The following WDPCP variants were observed in gnomAD, a reference collection of about 807,000 sequenced individuals.
The protein encoded by WDPCP is WD repeat containing planar cell polarity effector, also known as WD repeat-containing and planar cell polarity effector protein fritz homolog.
WDPCP carries 71 observed loss-of-function variants against 93.1 expected under a neutral mutation model. The observed-to-expected ratio is 0.76, with a 90% CI of 0.63 to 0.93. The LOEUF (loss-of-function observed/expected upper bound fraction) is 0.93. WDPCP is among the 40% of genes least tolerant of loss of function. The pLI is 0.00. For missense variants in WDPCP, 844 were observed against 887.4 expected, an observed-to-expected ratio of 0.95 and a Z score of 0.62; for synonymous variants, 315 against 315.0, an observed-to-expected ratio of 1.00 and a Z score of 0.00.
At chr2:63,473,597 A>G (rs546310658) in intron 6 of WDPCP, among the ~76,000 whole-genome samples, 12 of 152,316 alleles carry the variant, frequency 7.9e-5, no homozygotes, top group Admixed American at 5.9e-4. Flanking sequence ...TATTTCAGGA[A>G]AGCCTGTGGT....
At chr2:63,810,657 G>C (rs927402604) in intron 2 of WDPCP, among the ~76,000 whole-genome samples, 1 of 152,124 alleles carries the variant, frequency 6.6e-6, no homozygotes, top group Admixed American at 6.6e-5. Flanking sequence ...AATCAGGGAA[G>C]GTCTCACATG....
At chr2:63,801,520 T>G (rs927808655) in intron 2 of WDPCP, among the ~76,000 whole-genome samples, 4 of 152,140 alleles carry the variant, frequency 2.6e-5, no homozygotes, top group African/African-American at 9.7e-5. Context: ...TTGGCTGGGG[T>G]GGCCAGCTTC....
chr2:63,589,195 C>T (rs1709094681), upstream of WDPCP: 17 of 1,595,790 alleles, frequency 1.1e-5, no homozygotes, highest in South Asian at 1.6e-4. Flanking sequence ...CTGGGGATTG[C>T]CGCAGTGACC....
At chr2:63,141,573 T>C (rs1338860396) in intron 17 of WDPCP, among the ~76,000 whole-genome samples, 6 of 152,302 alleles carry the variant, frequency 3.9e-5, no homozygotes. Context: ...TATCGGTCTA[T>C]AGTTTTCTTT....
intron 17 of WDPCP, among the ~76,000 whole-genome samples, chr2:63,129,025 A>G (rs1057250838): frequency 2.6e-5 from 4 of 152,204 alleles, no homozygotes; most frequent in African/African-American, 9.6e-5. Context: ...AAGTGGAGTA[A>G]TGCAATATTT....
intron 2 of WDPCP, among the ~76,000 whole-genome samples, chr2:63,738,153 C>T (rs985716269): frequency 2.0e-5 from 3 of 152,014 alleles, no homozygotes; most frequent in African/African-American, 7.3e-5. Context: ...CTCACCAGTC[C>T]CCATTGCATT....
chr2:63,241,229 G>T (rs760912234), intron 14 of WDPCP, among the ~76,000 whole-genome samples: 1 of 152,100 alleles, frequency 6.6e-6, no homozygotes, highest in Non-Finnish European at 1.5e-5. Context: ...TCTTTGATGT[G>T]CTCATAATTA....
Position 63,586,223 on chromosome 2 carries a change from T to G in WDPCP, c.75+1974A>C, listed in dbSNP as rs17618239. 6.8e-3 allele frequency among the ~76,000 whole-genome samples: 1,041 copies of G among 152,350 alleles called. 10 individuals are homozygous for G. Among genetic ancestry groups the G allele is most frequent in the Non-Finnish European group, 0.012 (788 of 68,028 alleles). ...AGAGCCAACATTCTATTTCAGAGAT[T>G]TGAAACTTAATGATCCTTTAATATC... On this transcript the variant is annotated intron_variant, in intron 1 of 17. Coordinates refer to ENST00000272321, the MANE Select transcript of WDPCP (RefSeq NM_015910.7).
At chr2:63,417,016 T>G (rs116032228) in intron 9 of WDPCP, among the ~76,000 whole-genome samples, 4,172 of 152,272 alleles carry the variant, frequency 0.027, 84 homozygotes, top group South Asian at 0.067. Context: ...TGAAGTTTTC[T>G]CATCTCTAAA....
At chr2:63,505,968 C>T (rs911965689) in intron 1 of WDPCP, among the ~76,000 whole-genome samples, 2 of 151,928 alleles carry the variant, frequency 1.3e-5, no homozygotes, top group African/African-American at 4.8e-5. Context: ...GAACCATGTC[C>T]AGGAATTTAG....
upstream of WDPCP, chr2:63,588,962 C>T (rs1373993626): frequency 9.4e-6 from 15 of 1,601,288 alleles, no homozygotes; most frequent in Non-Finnish European, 1.3e-5. Flanking sequence ...TCGCCCTCTC[C>T]GAGTCAGTTC....
chr2:63,402,976 C>T (rs979591788), intron 10 of WDPCP, among the ~76,000 whole-genome samples: 1 of 152,120 alleles, frequency 6.6e-6, no homozygotes, highest in Admixed American at 6.5e-5. Flanking sequence ...GATACATGCA[C>T]ACAAATGTTT....
intron 13 of WDPCP, among the ~76,000 whole-genome samples, chr2:63,306,956 CTGTT>C (rs1280701050): frequency 6.6e-6 from 1 of 152,184 alleles, no homozygotes; most frequent in Admixed American, 6.5e-5. Context: ...TAAATTGTCT[CTGTT>C]TGCAGATGAC....
At chr2:63,299,214 A>G (rs1450979248) in intron 13 of WDPCP, among the ~76,000 whole-genome samples, 3 of 152,254 alleles carry the variant, frequency 2.0e-5, no homozygotes, top group Admixed American at 2.0e-4. Flanking sequence ...CTGTCAGTGC[A>G]TAGGACTACT....
At chr2:63,404,745 A>G in intron 9 of WDPCP, 88 bp from the exon 10 acceptor site, 4 of 1,516,322 alleles carry the variant, frequency 2.6e-6, no homozygotes, top group Non-Finnish European at 3.6e-6. Flanking sequence ...TCAGAAACCT[A>G]TTAAAGAAAA....
chr2:63,147,723 C>A (rs1671615001), intron 17 of WDPCP, among the ~76,000 whole-genome samples: 1 of 152,112 alleles, frequency 6.6e-6, no homozygotes, highest in African/African-American at 2.4e-5. Flanking sequence ...AATCCCAGCA[C>A]TTTGGGGGGC....
intron 1 of WDPCP, among the ~76,000 whole-genome samples, chr2:63,821,625 A>G (rs1671020072): frequency 6.6e-6 from 1 of 152,184 alleles, no homozygotes; most frequent in Non-Finnish European, 1.5e-5. Flanking sequence ...CAGTACAGAG[A>G]GTGGACCATG....
chr2:63,753,385 C>T (rs982059535), intron 2 of WDPCP, among the ~76,000 whole-genome samples: 11 of 152,072 alleles, frequency 7.2e-5, no homozygotes, highest in Non-Finnish European at 1.5e-4. Context: ...GCCAAGATTG[C>T]GCCATTGCAC....
At chr2:63,293,649 GAATGAACAA>G (rs2105032808) in intron 13 of WDPCP, among the ~76,000 whole-genome samples, 1 of 152,154 alleles carries the variant, frequency 6.6e-6, no homozygotes, top group Non-Finnish European at 1.5e-5. Context: ...TCAAAATTAT[GAATGAACAA>G]AATGAAAACA....
Sources: allele counts gnomAD v4.1 joint callset (sites outside exome capture counted in the v4.1 genomes callset), GRCh38; gene constraint gnomAD v4.1.1; transcripts MANE v1.5; gene names NCBI Gene and HGNC (gene_info 2026-07-23, HGNC 2026-07-21).